Variants in FAM107A observed in about 807,000 individuals in gnomAD.
The protein encoded by FAM107A is family with sequence similarity 107 member A.
A neutral mutation model predicts 13.7 loss-of-function variants in FAM107A; 19 were observed. The ratio of observed to expected loss-of-function variants is 1.38; its 90% CI spans 0.97 to 2.03. The LOEUF is 2.03. Among genes scored for constraint, FAM107A ranks in the 30% most tolerant of loss-of-function variants. The pLI, the probability that FAM107A is intolerant of heterozygous loss-of-function variation, is 0.00. For missense variants in FAM107A, 203 were observed against 184.4 expected (o/e 1.10, Z -0.58); for synonymous variants, 82 against 74.5 (o/e 1.10, Z -0.52).
chr3:58,614,048 T>G (rs932478664), intron 1 of FAM107A, among the ~76,000 whole-genome samples: 4 of 152,204 alleles, frequency 2.6e-5, no homozygotes, highest in African/African-American at 9.6e-5. Context: ...CTGGAAAAAC[T>G]GCCGCTGAAA....
chr3:58,621,779 G>A (rs1423618612), intron 1 of FAM107A, among the ~76,000 whole-genome samples: 4 of 152,214 alleles, frequency 2.6e-5, no homozygotes, highest in Admixed American at 6.5e-5. Flanking sequence ...CATAACGGGG[G>A]TTGCAGGGTG....
intron 1 of FAM107A, among the ~76,000 whole-genome samples, chr3:58,583,696 G>A (rs371396012): frequency 1.3e-5 from 2 of 151,256 alleles, no homozygotes; most frequent in Non-Finnish European, 2.9e-5. Flanking sequence ...TTTTTTTTGG[G>A]GGGGGACACG....
chr3:58,595,032 A>G (rs2065686229), intron 1 of FAM107A, among the ~76,000 whole-genome samples: 1 of 152,036 alleles, frequency 6.6e-6, no homozygotes, highest in African/African-American at 2.4e-5. Flanking sequence ...GCCATCACCA[A>G]TCATTCTATA....
chr3:58,615,991 G>A (rs1338969018), intron 1 of FAM107A, among the ~76,000 whole-genome samples: 1 of 151,896 alleles, frequency 6.6e-6, no homozygotes, highest in African/African-American at 2.4e-5. Flanking sequence ...TGCACAGGTG[G>A]AGGGAACAGT....
rs538770556 is a variant in FAM107A at position 58,592,616 on chromosome 3, G to A, written c.-69-3347C>T. Among the ~76,000 whole-genome samples, 31 of 152,158 alleles carry A rather than the reference G, an allele frequency of 2.0e-4. 3 individuals are homozygous for A. In the South Asian group the frequency reaches 6.5e-3, roughly 32 times the overall value. On this transcript the variant is annotated intron_variant, in intron 1 of 3. Coordinates refer to the FAM107A transcript ENST00000465970. ...GGCCTTTATTAGTCAAATCACCCAA[G>A]CAGTTTCTTAGTCTCTTGGTATTCA...
upstream of FAM107A, among the ~76,000 whole-genome samples, chr3:58,581,486 A>G (rs1323123454): frequency 6.6e-6 from 1 of 152,178 alleles, no homozygotes; most frequent in Non-Finnish European, 1.5e-5. Flanking sequence ...TTTCCATGGC[A>G]ACTTAAAACT....
rs983742765 is a variant in FAM107A, at chr3:58,613,873, A to G, written c.-70+13543T>C. Reference sequence around the variant, plus strand: ...GGCCTGTCCAAGGTCTATACGTTACATCTGCCTCAGACAGCCTTCTGGCTC... The same window carrying G: ...GGCCTGTCCAAGGTCTATACGTTACGTCTGCCTCAGACAGCCTTCTGGCTC... On this transcript the variant is annotated intron_variant, in intron 1 of 3. Transcript: ENST00000465970. This position sits in a 1 kb window ranked among gnomAD's most constrained non-coding sequence, Gnocchi z 4.6. Among the ~76,000 whole-genome samples, 5 of 152,188 alleles carry G rather than the reference A, an allele frequency of 3.3e-5. No individual in the cohort carries two copies. The highest frequency in any genetic ancestry group is 9.7e-5 in the African/African-American group (4 of 41,446).
upstream of FAM107A, among the ~76,000 whole-genome samples, chr3:58,589,655 A>G (rs1377596010): frequency 6.6e-6 from 1 of 152,204 alleles, no homozygotes; most frequent in Non-Finnish European, 1.5e-5. Flanking sequence ...CATTTGGTAC[A>G]ATTAATAGAC....
intron 1 of FAM107A, among the ~76,000 whole-genome samples, chr3:58,606,797 T>G (rs2065798925): frequency 6.6e-6 from 1 of 152,246 alleles, no homozygotes; most frequent in Admixed American, 6.5e-5. Flanking sequence ...TTCTTGTGAC[T>G]TCTTGTCAAC....
chr3:58,619,310 G>A (rs968778527), intron 1 of FAM107A, among the ~76,000 whole-genome samples: 46 of 152,276 alleles, frequency 3.0e-4, no homozygotes, highest in African/African-American at 1.0e-3. Flanking sequence ...ACTTTACATA[G>A]CTGTTTTTTG....
upstream of FAM107A, among the ~76,000 whole-genome samples, chr3:58,591,305 A>G (rs2065652555): frequency 6.6e-6 from 1 of 152,228 alleles, no homozygotes; most frequent in Non-Finnish European, 1.5e-5. This position sits in a 1 kb window ranked among gnomAD's most constrained non-coding sequence, Gnocchi z 4.3. Flanking sequence ...AAGATGAGAC[A>G]TGGACATAGA....
rs1393334388 is a variant in FAM107A, at chr3:58,604,347, G to A, written c.-69-15078C>T. On this transcript the variant is annotated intron_variant, in intron 1 of 3. Transcript: ENST00000465970. This position sits in a 1 kb window ranked among gnomAD's most constrained non-coding sequence, Gnocchi z 4.1. ...ATTCCTTCTCCAACCGGTTCTTCCA[G>A]GCCTCAGCTCAGAGCATGTCCTGGG... Among the ~76,000 whole-genome samples, 3 of 152,032 alleles carry A rather than the reference G, an allele frequency of 2.0e-5. No individual in the cohort carries two copies. The highest frequency in any genetic ancestry group is 7.3e-5 in the African/African-American group (3 of 41,368).
rs76285544 is a variant in FAM107A at position 58,613,752 on chromosome 3, C to G, written c.-70+13664G>C. Among the ~76,000 whole-genome samples the G allele has an allele frequency of 0.058, 8,867 of 152,264 alleles. 312 individuals carry two copies. The highest frequency in any genetic ancestry group is 0.089 in the South Asian group (431 of 4,826). On this transcript the variant is annotated intron_variant, in intron 1 of 3. Transcript: ENST00000465970. This position sits in a 1 kb window ranked among gnomAD's most constrained non-coding sequence, Gnocchi z 4.6. Reference sequence around the variant, plus strand: ...AGGTGAGTCTTGGGGAGGCTCAACCCTCCCAAGTGCTCAGCTTACCACAGC... The same window carrying G: ...AGGTGAGTCTTGGGGAGGCTCAACCGTCCCAAGTGCTCAGCTTACCACAGC...
chr3:58,585,766 A>T (rs974664524), intron 1 of FAM107A, among the ~76,000 whole-genome samples: 8 of 152,366 alleles, frequency 5.3e-5, no homozygotes, highest in Admixed American at 5.2e-4. Flanking sequence ...CTCCAAGGAG[A>T]GTCGGGAGGA....
intron 1 of FAM107A, among the ~76,000 whole-genome samples, chr3:58,612,747 T>C (rs1459370246): frequency 6.6e-6 from 1 of 152,110 alleles, no homozygotes; most frequent in Non-Finnish European, 1.5e-5. Flanking sequence ...GTTCACTTAG[T>C]TAAAAAAGAG....
At chr3:58,594,677 C>T (rs1041831783) in intron 1 of FAM107A, among the ~76,000 whole-genome samples, 12 of 152,168 alleles carry the variant, frequency 7.9e-5, no homozygotes, top group African/African-American at 2.9e-4. Context: ...CCTGATGACA[C>T]CAACACTTCA....
intron 1 of FAM107A, among the ~76,000 whole-genome samples, chr3:58,615,799 G>A (rs1239668947): frequency 6.6e-6 from 1 of 151,024 alleles, no homozygotes; most frequent in Non-Finnish European, 1.5e-5. Flanking sequence ...AGGAGGCTGA[G>A]GTAGGAGGAT....
chr3:58,590,254 C>G (rs973410494), upstream of FAM107A, among the ~76,000 whole-genome samples: 1 of 152,230 alleles, frequency 6.6e-6, no homozygotes, highest in Admixed American at 6.5e-5. Context: ...GATCTCAGCA[C>G]ATGGCTCTAC....
chr3:58,583,516 G>A (rs1323419692), intron 1 of FAM107A, among the ~76,000 whole-genome samples: 1 of 151,938 alleles, frequency 6.6e-6, no homozygotes, highest in Non-Finnish European at 1.5e-5. Flanking sequence ...CAGCTACTCA[G>A]GAGGCTGAGG....
Sources: gnomAD v4.1 joint callset for allele counts (sites outside exome capture counted in the v4.1 genomes callset) on GRCh38, gnomAD v4.1.1 for gene constraint, Gnocchi (gnomAD v3.1) non-coding constraint, MANE v1.5 for transcripts, NCBI Gene and HGNC (gene_info 2026-07-23, HGNC 2026-07-21) for gene names.